APBB2: variants seen among roughly 807,000 people sequenced by gnomAD.
APBB2 encodes Fe65-like 1.
Under a neutral mutation model 82.5 loss-of-function variants are expected in APBB2, and 38 were observed. The ratio of observed to expected loss-of-function variants is 0.46; its 90% CI spans 0.36 to 0.60. APBB2 has a LOEUF of 0.60. Ranked by LOEUF, APBB2 falls within the 20% of genes least tolerant of loss-of-function variation. The probability of loss-of-function intolerance (pLI) is 0.00; values close to 1 mark genes in which losing one functional copy is unlikely to be tolerated. For synonymous variants in APBB2, 341 were observed against 368.2 expected, an observed-to-expected ratio of 0.93 and a Z score of 0.85; for missense variants, 772 against 972.3, an observed-to-expected ratio of 0.79 and a Z score of 2.74.
chr4:40,967,810 C>T (rs1374027235), intron 6 of APBB2, among the ~76,000 whole-genome samples: 2 of 152,100 alleles, frequency 1.3e-5, no homozygotes, highest in Non-Finnish European at 2.9e-5. Context: ...AGGTTTCATG[C>T]CAGAAGAGCT....
chr4:41,208,648 A>C (rs10517001), intron 1 of APBB2, among the ~76,000 whole-genome samples: 1 of 152,188 alleles, frequency 6.6e-6, no homozygotes, highest in African/African-American at 2.4e-5. Flanking sequence ...AATGAGTTAC[A>C]CTTCGGGAAC....
intron 2 of APBB2, among the ~76,000 whole-genome samples, chr4:41,101,245 A>C (rs1745235305): frequency 6.6e-6 from 1 of 151,172 alleles, no homozygotes; most frequent in African/African-American, 2.4e-5. Flanking sequence ...CGGGTGGATC[A>C]TGAGGTCAGG....
intron 10 of APBB2, among the ~76,000 whole-genome samples, chr4:40,917,395 G>A (rs1373248486): frequency 6.6e-6 from 1 of 152,126 alleles, no homozygotes; most frequent in Non-Finnish European, 1.5e-5. Context: ...CGGGTGAACA[G>A]TGGGGTCCTC....
chr4:41,072,553 A>C (rs1312602961), intron 3 of APBB2, among the ~76,000 whole-genome samples: 2 of 152,200 alleles, frequency 1.3e-5, no homozygotes, highest in Non-Finnish European at 2.9e-5. Context: ...ATAAGATCTG[A>C]AGGGCACAGG....
At chr4:40,911,059 CCT>C (rs937372363) in intron 10 of APBB2, among the ~76,000 whole-genome samples, 25 of 152,360 alleles carry the variant, frequency 1.6e-4, no homozygotes, top group Admixed American at 1.1e-3. Context: ...CTGACCTTCC[CCT>C]GTGTCTTGGC....
intron 3 of APBB2, among the ~76,000 whole-genome samples, chr4:41,080,254 G>A (rs1399415178): frequency 6.6e-6 from 1 of 152,212 alleles, no homozygotes; most frequent in Non-Finnish European, 1.5e-5. Context: ...TGAGAACACT[G>A]AACCTGGGCA....
intron 3 of APBB2, among the ~76,000 whole-genome samples, chr4:41,073,336 CTT>C (rs540376437): frequency 9.3e-4 from 142 of 152,300 alleles, no homozygotes; most frequent in African/African-American, 3.2e-3. Context: ...GTTCTTTTCT[CTT>C]TCTCCCATTT....
intron 5 of APBB2, among the ~76,000 whole-genome samples, chr4:41,018,587 A>AGT (rs1217005930): frequency 6.6e-6 from 1 of 152,036 alleles, no homozygotes. Context: ...GTATATTCTG[A>AGT]GTGTGTGTGT....
intron 4 of APBB2, among the ~76,000 whole-genome samples, chr4:41,059,145 A>G (rs2153875118): frequency 6.6e-6 from 1 of 152,200 alleles, no homozygotes; most frequent in South Asian, 2.1e-4. Context: ...CCCATGAAGC[A>G]TCAGGTCCCC....
chr4:41,028,390 C>T (rs1715353440), intron 5 of APBB2, among the ~76,000 whole-genome samples: 1 of 152,194 alleles, frequency 6.6e-6, no homozygotes. Flanking sequence ...AGCTTATGAC[C>T]CACATGAAGC....
intron 1 of APBB2, among the ~76,000 whole-genome samples, chr4:41,213,834 T>A (rs1173447200): frequency 6.6e-6 from 1 of 152,184 alleles, no homozygotes; most frequent in Non-Finnish European, 1.5e-5. Flanking sequence ...TCATGTCTCA[T>A]GGGCTGGCCT....
chr4:40,823,282 C>T (rs1368953486), intron 16 of APBB2, among the ~76,000 whole-genome samples: 1 of 152,196 alleles, frequency 6.6e-6, no homozygotes, highest in African/African-American at 2.4e-5. Flanking sequence ...TCACAGGACT[C>T]TCCCAAATGG....
chr4:41,181,397 A>G (rs980211344), intron 1 of APBB2, among the ~76,000 whole-genome samples: 2 of 152,254 alleles, frequency 1.3e-5, no homozygotes, highest in African/African-American at 4.8e-5. Flanking sequence ...TGATTTTAAG[A>G]CACGTGAAAG....
At chr4:40,846,198 C>T (rs1413890709) in intron 12 of APBB2, among the ~76,000 whole-genome samples, 3 of 151,816 alleles carry the variant, frequency 2.0e-5, no homozygotes, top group Admixed American at 6.6e-5. Context: ...TACAGGATGG[C>T]GGCTTGAGTA....
chr4:41,177,384 A>G (rs564239772), intron 1 of APBB2, among the ~76,000 whole-genome samples: 2 of 152,336 alleles, frequency 1.3e-5, no homozygotes, highest in South Asian at 4.1e-4. Flanking sequence ...CAGTATCAAG[A>G]ACTACCATGC....
chr4:40,981,883 G>A (rs1798564256), intron 6 of APBB2, among the ~76,000 whole-genome samples: 1 of 151,984 alleles, frequency 6.6e-6, no homozygotes. Flanking sequence ...AGGGTTTCTC[G>A]AGCGTAAGAA....
intron 10 of APBB2, among the ~76,000 whole-genome samples, chr4:40,900,666 AGGCT>A (rs1325488475): frequency 6.6e-6 from 1 of 151,778 alleles, no homozygotes; most frequent in African/African-American, 2.4e-5. Flanking sequence ...CATGTTGGCC[AGGCT>A]GGTCTCCAAC....
chr4:40,878,124 A>G (rs1767397756), intron 12 of APBB2, among the ~76,000 whole-genome samples: 2 of 149,894 alleles, frequency 1.3e-5, no homozygotes, highest in Non-Finnish European at 3.0e-5. Flanking sequence ...AGGAAGGCGG[A>G]TCACTTGAGG....
In APBB2 at chr4:41,014,271, C is replaced by A; in HGVS notation, c.147G>T (p.Leu49Phe). 1 of 1,614,054 alleles carries A rather than the reference C, an allele frequency of 6.2e-7. No homozygotes were observed. The change falls in exon 6 of 18, where the codon TTG becomes TTT. Residue 49 changes from leucine (L) to phenylalanine (F), a missense_variant. Physicochemically the swap from Leu to Phe is conservative, Grantham distance 22. Transcript: ENST00000508593. ...TTTCTGTGTGTTTTATTTCAGCGTT[C>A]AACAGTTCATTGTGGGAGGATCGGA... is the stretch of plus-strand genomic sequence containing the variant. Reference protein sequence around the residue: ...LNLRSSHNELLNAEIKHTETK... With the variant: ...LNLRSSHNELFNAEIKHTETK...
Sources: allele counts gnomAD v4.1 joint callset (sites outside exome capture counted in the v4.1 genomes callset), GRCh38; gene constraint gnomAD v4.1.1; transcripts MANE v1.5; gene names NCBI Gene and HGNC (gene_info 2026-07-23, HGNC 2026-07-21).